Variants in TCEA1 observed in about 807,000 individuals in gnomAD.
The protein encoded by TCEA1 is transcription elongation factor A1.
A neutral mutation model predicts 43.8 loss-of-function variants in TCEA1; 21 were observed. That is an observed-to-expected ratio of 0.48 (90% CI 0.34 to 0.69). TCEA1 has a LOEUF of 0.69. TCEA1 is among the 30% of genes least tolerant of loss of function. The pLI is 0.01. For missense variants in TCEA1, 250 were observed against 365.1 expected (o/e 0.68, Z 2.57); for synonymous variants, 104 against 117.5 (o/e 0.88, Z 0.75).
At chr8:54,015,566 A>C (rs1371897181) in intron 1 of TCEA1, among the ~76,000 whole-genome samples, 5 of 152,208 alleles carry the variant, frequency 3.3e-5, no homozygotes, top group Non-Finnish European at 7.3e-5. Flanking sequence ...ATGTCATCTC[A>C]AATTTGCAGT....
At chr8:53,968,209 A>C (rs1205948216) in intron 9 of TCEA1, 97 bp from the exon 10 acceptor site, 14 of 999,196 alleles carry the variant, frequency 1.4e-5, no homozygotes, top group Non-Finnish European at 2.0e-5. Context: ...CTTTTAAAAA[A>C]GATGCATTTT....
At chr8:54,000,624 G>A (rs1408500847) in intron 2 of TCEA1, among the ~76,000 whole-genome samples, 4 of 152,124 alleles carry the variant, frequency 2.6e-5, no homozygotes, top group Non-Finnish European at 5.9e-5. Flanking sequence ...ATTATGCTTA[G>A]AGCATCCACA....
At chr8:53,999,204 A>G (rs970680728) in intron 3 of TCEA1, among the ~76,000 whole-genome samples, 3 of 146,312 alleles carry the variant, frequency 2.1e-5, no homozygotes, top group East Asian at 2.1e-4. Flanking sequence ...CAGCCTGGGC[A>G]ACAGAGTGAG....
intron 2 of TCEA1, among the ~76,000 whole-genome samples, chr8:54,008,609 C>T (rs1804551911): frequency 6.6e-6 from 1 of 150,622 alleles, no homozygotes. Context: ...AGGCTGCAGT[C>T]AGCCAATGAT....
At chr8:53,988,640 GGA>G (rs1803770529) in intron 4 of TCEA1, among the ~76,000 whole-genome samples, 1 of 152,030 alleles carries the variant, frequency 6.6e-6, no homozygotes, top group Non-Finnish European at 1.5e-5. Context: ...TTTTTGAGAC[GGA>G]GTCTTGCTCT....
At chr8:54,011,666 G>A (rs537212285) in intron 1 of TCEA1, among the ~76,000 whole-genome samples, 85 of 152,248 alleles carry the variant, frequency 5.6e-4, no homozygotes, top group African/African-American at 1.8e-3. Context: ...ACCACAGCAC[G>A]TCCCTCATTC....
At chr8:53,973,758 T>G (rs916689767) in intron 8 of TCEA1, 10 of 506,156 alleles carry the variant, frequency 2.0e-5, no homozygotes, top group Non-Finnish European at 3.8e-5. Context: ...AATGTACACT[T>G]CCCACTTGTT....
chr8:53,981,757 T>C (rs2129301514), intron 7 of TCEA1, among the ~76,000 whole-genome samples: 1 of 150,650 alleles, frequency 6.6e-6, no homozygotes, highest in South Asian at 2.1e-4. Flanking sequence ...ATTCTGACTT[T>C]TTTTTTTTTT....
intron 8 of TCEA1, chr8:53,972,042 G>T: frequency 4.3e-6 from 1 of 231,266 alleles, no homozygotes; most frequent in Non-Finnish European, 8.7e-6. Context: ...AAGGACATTA[G>T]ACTCGGGCAC....
At chr8:53,972,946 T>C (rs1803208954) in intron 8 of TCEA1, 5 of 661,606 alleles carry the variant, frequency 7.6e-6, no homozygotes, top group South Asian at 7.1e-5. Context: ...AAACTAAATA[T>C]ATATCATATC....
intron 2 of TCEA1, chr8:54,002,891 C>A: frequency 2.2e-6 from 1 of 456,208 alleles, no homozygotes; most frequent in Non-Finnish European, 4.4e-6. Context: ...AAAGACATTA[C>A]CTTGGAAAGG....
At chr8:54,015,294 C>A (rs1804788179) in intron 1 of TCEA1, among the ~76,000 whole-genome samples, 2 of 151,924 alleles carry the variant, frequency 1.3e-5, no homozygotes, top group Non-Finnish European at 2.9e-5. Context: ...CTCAGCCTCC[C>A]AAGCAGCTGG....
At chr8:54,005,679 A>T (rs1004836985) in intron 2 of TCEA1, among the ~76,000 whole-genome samples, 3 of 152,166 alleles carry the variant, frequency 2.0e-5, no homozygotes, top group Non-Finnish European at 4.4e-5. Context: ...GTCTTTCATT[A>T]ACAAATTCCC....
intron 2 of TCEA1, among the ~76,000 whole-genome samples, chr8:54,002,471 AAAAAAAAAG>A (rs1399664326): frequency 1.6e-4 from 25 of 152,090 alleles, no homozygotes; most frequent in Admixed American, 1.5e-3. Flanking sequence ...TCCGTCTCAA[AAAAAAAAAG>A]AAAAAAAAGA....
intron 2 of TCEA1, among the ~76,000 whole-genome samples, chr8:54,006,430 G>GA (rs1804461841): frequency 6.6e-6 from 1 of 152,014 alleles, no homozygotes; most frequent in African/African-American, 2.4e-5. Context: ...AGTGAGCCGA[G>GA]ATCGTGCCAT....
intron 2 of TCEA1, among the ~76,000 whole-genome samples, chr8:54,006,788 GACTT>G (rs1804477686): frequency 6.6e-6 from 1 of 152,172 alleles, no homozygotes; most frequent in South Asian, 2.1e-4. Context: ...AGGACTTCAT[GACTT>G]ACTTCCTTTC....
At chr8:53,993,082 A>G (rs1803931517) in intron 4 of TCEA1, among the ~76,000 whole-genome samples, 2 of 148,402 alleles carry the variant, frequency 1.3e-5, no homozygotes, top group Non-Finnish European at 3.0e-5. Flanking sequence ...CCTCCCAAGT[A>G]GCTGGGACTA....
At chr8:53,989,296 A>C (rs1803795373) in intron 4 of TCEA1, among the ~76,000 whole-genome samples, 1 of 152,200 alleles carries the variant, frequency 6.6e-6, no homozygotes, top group Non-Finnish European at 1.5e-5. Flanking sequence ...ATTATCACTA[A>C]AATGGGTTCT....
chr8:53,969,326 T>C (rs1803085923), intron 9 of TCEA1, among the ~76,000 whole-genome samples: 1 of 152,092 alleles, frequency 6.6e-6, no homozygotes, highest in Non-Finnish European at 1.5e-5. Flanking sequence ...AAATAGGTAC[T>C]GGCCCCAACC....
Sources: gnomAD v4.1 joint callset for allele counts (sites outside exome capture counted in the v4.1 genomes callset) on GRCh38, gnomAD v4.1.1 for gene constraint, MANE v1.5 for transcripts, NCBI Gene and HGNC (gene_info 2026-07-23, HGNC 2026-07-21) for gene names.